Variants in PSPC1 observed in about 807,000 individuals in gnomAD.
PSPC1 encodes the protein paraspeckle protein 1.
PSPC1 carries 14 observed loss-of-function variants against 51.6 expected under a neutral mutation model. The ratio of observed to expected loss-of-function variants is 0.27; its 90% CI spans 0.18 to 0.42. The LOEUF (loss-of-function observed/expected upper bound fraction) is 0.42. Ranked by LOEUF, PSPC1 falls within the 10% of genes least tolerant of loss-of-function variation. PSPC1 has a pLI of 1.00. For missense variants in PSPC1, 406 were observed against 701.1 expected, an observed-to-expected ratio of 0.58 and a Z score of 4.75; for synonymous variants, 193 against 231.9, an observed-to-expected ratio of 0.83 and a Z score of 1.53.
intron 6 of PSPC1, among the ~76,000 whole-genome samples, chr13:19,682,570 TA>T (rs1443233800): frequency 6.8e-6 from 1 of 146,760 alleles, no homozygotes; most frequent in African/African-American, 2.5e-5. Flanking sequence ...TCAGGCTCAC[TA>T]AAAAAAGTTA....
At chr13:19,677,731 G>A in exon 7 of PSPC1, 1 of 465,364 alleles carries the variant, frequency 2.1e-6, no homozygotes, top group African/African-American at 2.0e-5. Context: ...GACCTGAAAG[G>A]AAGTATGATT....
chr13:19,753,960 C>T (rs1886818976), intron 3 of PSPC1, among the ~76,000 whole-genome samples: 1 of 151,414 alleles, frequency 6.6e-6, no homozygotes, highest in South Asian at 2.1e-4. Flanking sequence ...CAAAGACTGA[C>T]TATATTTTTA....
At chr13:19,678,709 C>G (rs1593509210) in intron 6 of PSPC1, 1 of 152,222 alleles carries the variant, frequency 6.6e-6, no homozygotes, top group East Asian at 1.9e-4. Flanking sequence ...CCTAATGCAC[C>G]CCAGTAACCC....
chr13:19,751,736 G>A (rs1886573381), intron 3 of PSPC1, among the ~76,000 whole-genome samples: 4 of 152,122 alleles, frequency 2.6e-5, no homozygotes, highest in African/African-American at 9.7e-5. Flanking sequence ...TGCTTTTGGA[G>A]GTTTCATTTT....
intron 7 of PSPC1, among the ~76,000 whole-genome samples, chr13:19,708,268 G>A (rs1593583211): frequency 1.3e-5 from 2 of 152,296 alleles, no homozygotes; most frequent in South Asian, 4.1e-4. Context: ...TATATATGCT[G>A]AGAACACACT....
chr13:19,765,959 T>C (rs999731881), intron 2 of PSPC1, among the ~76,000 whole-genome samples: 3 of 152,164 alleles, frequency 2.0e-5, no homozygotes, highest in African/African-American at 4.8e-5. Flanking sequence ...AAAGATATGA[T>C]AAAGCAAATA....
downstream of PSPC1, among the ~76,000 whole-genome samples, chr13:19,698,537 C>T (rs980286232): frequency 6.6e-6 from 1 of 151,666 alleles, no homozygotes; most frequent in African/African-American, 2.4e-5. Flanking sequence ...CCACTTGAAC[C>T]TACTTAATTC....
At chr13:19,704,565 C>T (rs1427462865) in intron 8 of PSPC1, among the ~76,000 whole-genome samples, 1 of 152,268 alleles carries the variant, frequency 6.6e-6, no homozygotes, top group Non-Finnish European at 1.5e-5. Context: ...CAAAACTAAA[C>T]TGCCTTTTCA....
intron 6 of PSPC1, among the ~76,000 whole-genome samples, chr13:19,713,410 G>C (rs1881683208): frequency 6.6e-6 from 1 of 151,892 alleles, no homozygotes; most frequent in African/African-American, 2.4e-5. Context: ...GAATAACTTA[G>C]TCAAGGTCAT....
intron 1 of PSPC1, among the ~76,000 whole-genome samples, chr13:19,778,370 TCCCC>T (rs1243319446): frequency 7.6e-5 from 2 of 26,390 alleles, no homozygotes; most frequent in East Asian, 1.5e-3. Flanking sequence ...CCTCTCCCCC[TCCCC>T]CTCCCCCTCC....
chr13:19,726,876 G>A (rs923804234), intron 6 of PSPC1, among the ~76,000 whole-genome samples: 2 of 152,162 alleles, frequency 1.3e-5, no homozygotes, highest in Non-Finnish European at 2.9e-5. Flanking sequence ...GAGTCAAACT[G>A]TTGCCTTAGC....
At chr13:19,678,581 C>T (rs1012962133) in intron 6 of PSPC1, 3 of 152,092 alleles carry the variant, frequency 2.0e-5, no homozygotes, top group Non-Finnish European at 2.9e-5. Context: ...CCATTTGGGA[C>T]TCAATTTGCC....
rs1239167814 is a variant in PSPC1 at position 19,742,181 on chromosome 13, C to T, written c.968-532G>A. On this transcript the variant is annotated intron_variant, in intron 4 of 8. Transcript: ENST00000338910. ...AAAACACGTAATAAACTCATCTTGG[C>T]TGGGCGCGGTGGCTCACGCCTTATA... Among the ~76,000 whole-genome samples, 5 of 146,882 alleles carry T rather than the reference C, an allele frequency of 3.4e-5. No homozygotes were observed. The South Asian group carries it at 1.1e-3, about 32-fold the overall frequency.
chr13:19,762,590 T>C (rs1887699788), intron 2 of PSPC1, among the ~76,000 whole-genome samples: 1 of 152,074 alleles, frequency 6.6e-6, no homozygotes, highest in Admixed American at 6.6e-5. Flanking sequence ...ACCACATTCA[T>C]CTAATTACAC....
intron 2 of PSPC1, among the ~76,000 whole-genome samples, chr13:19,762,133 G>A (rs1171955289): frequency 6.6e-6 from 1 of 152,120 alleles, no homozygotes; most frequent in Non-Finnish European, 1.5e-5. Context: ...ACACAGTGCG[G>A]GAGAGGAGAA....
chr13:19,776,301 C>CA (rs1889115983), intron 1 of PSPC1, among the ~76,000 whole-genome samples: 2 of 151,924 alleles, frequency 1.3e-5, no homozygotes, highest in African/African-American at 4.8e-5. Context: ...CTTGTCTCTA[C>CA]AAAAAATAAA....
intron 5 of PSPC1, among the ~76,000 whole-genome samples, chr13:19,740,066 G>A (rs563783774): frequency 1.1e-3 from 162 of 152,138 alleles, no homozygotes; most frequent in African/African-American, 3.7e-3. Flanking sequence ...AATTGGGGCC[G>A]GGCACGGTGG....
Position 19,707,694 on chromosome 13 carries a change from G to C in PSPC1, c.1216+1848C>G, listed in dbSNP as rs74035405. On this transcript the variant is annotated intron_variant, in intron 7 of 8. Coordinates refer to ENST00000338910, the MANE Select transcript of PSPC1 (RefSeq NM_001354909.2). ...TATCTTCAATTCCTAACTAAATAAG[G>C]ACTCTAAAGGCATATTCTGATATTT... Among the ~76,000 whole-genome samples, 930 of 152,104 alleles carry C rather than the reference G, an allele frequency of 6.1e-3. 14 individuals carry two copies. Among genetic ancestry groups the C allele is most frequent in the African/African-American group, 0.021 (855 of 41,502 alleles).
intron 6 of PSPC1, among the ~76,000 whole-genome samples, chr13:19,694,522 C>G (rs1182472395): frequency 6.6e-6 from 1 of 152,068 alleles, no homozygotes; most frequent in Non-Finnish European, 1.5e-5. Flanking sequence ...TTCTTTTCTT[C>G]GTAAGTCTGC....
Sources: allele counts gnomAD v4.1 joint callset (sites outside exome capture counted in the v4.1 genomes callset), GRCh38; gene constraint gnomAD v4.1.1; transcripts MANE v1.5; gene names NCBI Gene and HGNC (gene_info 2026-07-23, HGNC 2026-07-21).